Variants in CABP1 observed in about 807,000 individuals in gnomAD.
CABP1 encodes calcium-binding protein 1.
In CABP1, 17 loss-of-function variants were observed where a neutral mutation model predicts 34.3. That is an observed-to-expected ratio of 0.50 (90% CI 0.34 to 0.74). The LOEUF (loss-of-function observed/expected upper bound fraction) is 0.74. CABP1 is among the 30% of genes least tolerant of loss of function. The probability of loss-of-function intolerance (pLI) is 0.01; values close to 1 mark genes in which losing one functional copy is unlikely to be tolerated. For synonymous variants in CABP1, 198 were observed against 229.2 expected, an observed-to-expected ratio of 0.86 and a Z score of 1.23; for missense variants, 373 against 511.1, an observed-to-expected ratio of 0.73 and a Z score of 2.61.
At chr12:120,655,498 A>G (rs1151872) in intron 1 of CABP1, 717,366 of 1,094,202 alleles carry the variant, frequency 0.66, 236,647 homozygotes, top group East Asian at 0.7. Flanking sequence ...TGCCTGCTTC[A>G]TTTATGTCAG....
Position 120,641,542 on chromosome 12 carries a change from T to C in CABP1, c.654+203T>C. ...TCAGCACCCCGTGCGCTGTCCACGCTCCGGGCCTCTTGGGGCAAGGCCCTC... is the reference window on the plus strand; with the variant it reads ...TCAGCACCCCGTGCGCTGTCCACGCCCCGGGCCTCTTGGGGCAAGGCCCTC... On this transcript the variant is annotated intron_variant, in intron 1 of 5. Coordinates refer to ENST00000316803, the MANE Select transcript of CABP1 (RefSeq NM_001033677.2). This position sits in a 1 kb window ranked among gnomAD's most constrained non-coding sequence, Gnocchi z 6.7. 1 of 476,968 alleles carries C rather than the reference T, an allele frequency of 2.1e-6. No individual in the cohort carries two copies. The highest frequency in any genetic ancestry group is 3.6e-5 in the East Asian group (1 of 27,764). The allele number at this position is 476,968 out of a possible 1,614,324, so 29.5% of individuals were successfully genotyped here.
chr12:120,668,001 GAGAC>G (rs1394753462), downstream of CABP1, among the ~76,000 whole-genome samples: 3 of 152,226 alleles, frequency 2.0e-5, no homozygotes, highest in Non-Finnish European at 4.4e-5. Context: ...ACTGGTTGGA[GAGAC>G]AGGCATGAGA....
At chr12:120,669,982 C>T (rs1024848072), downstream of CABP1, among the ~76,000 whole-genome samples, 3 of 149,342 alleles carry the variant, frequency 2.0e-5, no homozygotes, top group Non-Finnish European at 4.4e-5. Flanking sequence ...TTTTGGCTCC[C>T]GCCAGGAAAC....
At chr12:120,657,944 G>A (rs998609100) in intron 1 of CABP1, among the ~76,000 whole-genome samples, 3 of 152,170 alleles carry the variant, frequency 2.0e-5, no homozygotes, top group South Asian at 2.1e-4. Flanking sequence ...GTGTACACAC[G>A]TGTGCTTACT....
At chr12:120,670,695 C>T (rs1028362941), downstream of CABP1, among the ~76,000 whole-genome samples, 4 of 152,080 alleles carry the variant, frequency 2.6e-5, no homozygotes, top group Non-Finnish European at 4.4e-5. Flanking sequence ...TTGCAGTGAG[C>T]GGAGATTGCA....
chr12:120,640,770 G>C lies in CABP1; in HGVS notation c.85G>C (p.Glu29Gln), dbSNP rs1458701998. 2.6e-6 allele frequency: 3 copies of C among 1,154,936 alleles called. No individual in the cohort carries two copies. The highest frequency in any genetic ancestry group is 3.2e-6 in the Non-Finnish European group (3 of 939,300). 71.5% of individuals were successfully genotyped at this position (1,154,936 alleles called of 1,614,324 possible). ...QRVLGLGSRR[E>Q]PRSLPAGGPA... ...CGTCCTCGGGCTTGGCTCCCGCCGG[G>C]AGCCCCGTTCTCTGCCCGCCGGGGG... is the stretch of plus-strand genomic sequence containing the variant. Residue 29 changes from glutamate to glutamine, a missense_variant, in exon 1 of 6, where the codon GAG (glutamate) becomes CAG (glutamine). Glu to Gln is a conservative substitution (Grantham distance 29). Transcript: ENST00000316803. This position sits in a 1 kb window ranked among gnomAD's most constrained non-coding sequence, Gnocchi z 6.2.
Position 120,641,147 on chromosome 12 carries a change from C to G in CABP1, c.462C>G (p.Ser154=). The G allele has an allele frequency of 4.9e-6, 6 of 1,234,896 alleles. No individual in the cohort carries two copies. 76.5% of individuals were successfully genotyped at this position (1,234,896 alleles called of 1,614,324 possible). ...RPREALPAAA[S]RPSPSSPLPP... ...GGGAGGCGCTGCCGGCCGCGGCGTC[C>G]CGACCTTCGCCGTCGTCGCCGCTGC... Residue 154 remains serine, a synonymous_variant, in exon 1 of 6, where the codon TCC becomes TCG. Transcript: ENST00000316803. This position sits in a 1 kb window ranked among gnomAD's most constrained non-coding sequence, Gnocchi z 6.7.
chr12:120,645,029 T>G (rs1192405618), intron 1 of CABP1, among the ~76,000 whole-genome samples: 1 of 152,186 alleles, frequency 6.6e-6, no homozygotes, highest in South Asian at 2.1e-4. Flanking sequence ...GGTCTCGAAC[T>G]CCTGACCTCA....
At chr12:120,658,485 C>T (rs12578285) in intron 1 of CABP1, among the ~76,000 whole-genome samples, 1 of 152,164 alleles carries the variant, frequency 6.6e-6, no homozygotes, top group East Asian at 1.9e-4. Context: ...CCTGGCGGAG[C>T]TGGGAGCTTG....
intron 1 of CABP1, chr12:120,650,738 C>T (rs2137336360): frequency 6.4e-7 from 1 of 1,566,234 alleles, no homozygotes; most frequent in Non-Finnish European, 8.8e-7. Context: ...ATCTCACCAT[C>T]TGTCTCAGAG....
At chr12:120,656,218 G>A in intron 1 of CABP1, 7 of 1,594,372 alleles carry the variant, frequency 4.4e-6, no homozygotes, top group Non-Finnish European at 6.0e-6. Context: ...TGCACAACCT[G>A]CTGGGCCCTG....
intron 1 of CABP1, chr12:120,655,602 G>A (rs893392351): frequency 1.8e-5 from 24 of 1,322,994 alleles, no homozygotes; most frequent in South Asian, 2.3e-5. Context: ...GCCTTCCAGC[G>A]GGGATCTGGC....
chr12:120,642,257 T>C (rs940285382), intron 1 of CABP1, among the ~76,000 whole-genome samples: 2 of 152,040 alleles, frequency 1.3e-5, no homozygotes, highest in African/African-American at 4.8e-5. Context: ...AGAGGTGTCA[T>C]GCAGAGGTCT....
Position 120,641,155 on chromosome 12 carries a change from C to T in CABP1, c.470C>T (p.Ser157Leu). The T allele has an allele frequency of 8.1e-7, 1 of 1,235,870 alleles. No homozygotes were observed. Among genetic ancestry groups the T allele is most frequent in the Non-Finnish European group, 1.0e-6 (1 of 991,986 alleles). The allele number at this position is 1,235,870 out of a possible 1,614,324, so 76.6% of individuals were successfully genotyped here. The change falls in exon 1 of 6, where the codon TCG (serine) becomes TTG (leucine). Residue 157 changes from serine (S) to leucine (L), a missense_variant. This residue lies in a region of CABP1 where 121 missense variants were observed against 125.5 expected (regional missense o/e 0.96). Transcript: ENST00000316803. The surrounding 1 kb of genome is among the most constrained non-coding windows in gnomAD (Gnocchi z 6.7). ...CTGCCGGCCGCGGCGTCCCGACCTT[C>T]GCCGTCGTCGCCGCTGCCGCCGGCC... ...EALPAAASRP[S>L]PSSPLPPARG... is the part of the protein sequence containing the mutation.
intron 1 of CABP1, chr12:120,656,142 A>C: frequency 6.2e-7 from 1 of 1,614,092 alleles, no homozygotes; most frequent in Non-Finnish European, 8.5e-7. Flanking sequence ...ACGAGCGAGG[A>C]GGGGCTGGCG....
At chr12:120,644,582 A>T (rs1333880434) in intron 1 of CABP1, among the ~76,000 whole-genome samples, 2 of 152,212 alleles carry the variant, frequency 1.3e-5, no homozygotes, top group Non-Finnish European at 2.9e-5. Context: ...GAGCTTGAGA[A>T]GAAACATGCC....
At chr12:120,674,919 A>AAC in the CABP1 span, among the ~76,000 whole-genome samples, 11 of 151,542 alleles carry the variant, frequency 7.3e-5, no homozygotes, top group African/African-American at 1.5e-4. Context: ...AAAAAAAAAA[A>AAC]ACACCAAAAA....
At position 120,640,715 on chromosome 12, in the gene CABP1, G is replaced by A. The variant is rs1458090130; in HGVS notation, c.30G>A (p.Lys10=). 7.6e-6 allele frequency: 9 copies of A among 1,185,956 alleles called. No individual in the cohort carries two copies. In the Admixed American group the frequency reaches 3.6e-4, roughly 48 times the overall value. The allele number at this position is 1,185,956 out of a possible 1,614,324, so 73.5% of individuals were successfully genotyped here. A position where few individuals can be genotyped will look rare whatever the true frequency, so the allele number is the denominator to read the frequency against. Residue 10 remains lysine (K), a synonymous_variant, in exon 1 of 6, where the codon AAG becomes AAA. Coordinates refer to ENST00000316803, the MANE Select transcript of CABP1 (RefSeq NM_001033677.2). This position sits in a 1 kb window ranked among gnomAD's most constrained non-coding sequence, Gnocchi z 6.2. ...GCGGCGGCGACGGGGCCGCATTTAA[G>A]CGGCCGGGGGACGGCGCCCGCCTCC... The part of the protein sequence containing the change: MGGGDGAAF[K]RPGDGARLQR...
At position 120,667,040 on chromosome 12, in the gene CABP1, C is replaced by T; in HGVS notation, c.*140C>T. The T allele has an allele frequency of 3.0e-6, 3 of 985,160 alleles. No individual in the cohort carries two copies. The highest frequency in any genetic ancestry group is 2.6e-5 in the East Asian group (1 of 38,286). The allele number at this position is 985,160 out of a possible 1,614,324, so 61.0% of individuals were successfully genotyped here. On this transcript the variant is annotated 3_prime_UTR_variant, in exon 6 of 6. Transcript: ENST00000316803. ...CCTGCCTGCACCCCGGGGAGGCGCC[C>T]ACCCCGGACCCCCACCCCTCCGCAC...
Sources: gnomAD v4.1 joint callset for allele counts (sites outside exome capture counted in the v4.1 genomes callset) on GRCh38, gnomAD v4.1.1 for gene constraint, gnomAD v4.1.1 regional missense constraint, Gnocchi (gnomAD v3.1) non-coding constraint, MANE v1.5 for transcripts, NCBI Gene and HGNC (gene_info 2026-07-23, HGNC 2026-07-21) for gene names.